The following RAPGEF1 variants were observed in gnomAD, a reference collection of about 807,000 sequenced individuals.
The protein encoded by RAPGEF1 is CRK SH3-binding GNRP.
Under a neutral mutation model 143.3 loss-of-function variants are expected in RAPGEF1, and 33 were observed. That is an observed-to-expected ratio of 0.23 (90% CI 0.17 to 0.31). The LOEUF is 0.31. Ranked by LOEUF, RAPGEF1 falls within the 10% of genes least tolerant of loss-of-function variation. RAPGEF1 has a pLI of 1.00. For synonymous variants in RAPGEF1, 629 were observed against 676.5 expected, an observed-to-expected ratio of 0.93 and a Z score of 1.09; for missense variants, 1,199 against 1,645.4, an observed-to-expected ratio of 0.73 and a Z score of 4.69.
chr9:131,582,491 T>C, intron 25 of RAPGEF1, 114 bp downstream of exon 25: 1 of 716,508 alleles, frequency 1.4e-6, no homozygotes, highest in Non-Finnish European at 2.2e-6. Context: ...AGTACAAATG[T>C]CTCCGTTAGA....
At chr9:131,651,768 G>A (rs1971133670) in intron 1 of RAPGEF1, among the ~76,000 whole-genome samples, 1 of 152,196 alleles carries the variant, frequency 6.6e-6, no homozygotes, top group South Asian at 2.1e-4. Context: ...ACAGGAATAA[G>A]TTCTGAGTAA....
At chr9:131,686,483 A>G (rs760660755) in intron 1 of RAPGEF1, among the ~76,000 whole-genome samples, 1 of 152,164 alleles carries the variant, frequency 6.6e-6, no homozygotes, top group Non-Finnish European at 1.5e-5. Context: ...CAGCTCCACT[A>G]CACAACTGGG....
At chr9:131,662,610 C>T (rs1487029234) in intron 1 of RAPGEF1, among the ~76,000 whole-genome samples, 2 of 151,428 alleles carry the variant, frequency 1.3e-5, no homozygotes, top group African/African-American at 2.4e-5. Flanking sequence ...TGCAGTGGCA[C>T]GATCTCGGCT....
At chr9:131,698,750 T>C (rs35953453) in intron 1 of RAPGEF1, among the ~76,000 whole-genome samples, 14,793 of 151,722 alleles carry the variant, frequency 0.098, 1,076 homozygotes, top group African/African-American at 0.2. Flanking sequence ...GCAACCCCAC[T>C]ACGGGAGGGA....
Position 131,740,055 on chromosome 9 carries a change from G to C in RAPGEF1, c.-225C>G, listed in dbSNP as rs1837651292. ...GCCCGCCGCCGCTCCCCCGGCCCGCGAGCCGGCCGCAGCGCAGCGACGCCG... is the reference window on the plus strand; with the variant it reads ...GCCCGCCGCCGCTCCCCCGGCCCGCCAGCCGGCCGCAGCGCAGCGACGCCG... On this transcript the variant is annotated 5_prime_UTR_variant, in exon 1 of 27. Transcript: ENST00000683357. This position sits in a 1 kb window ranked among gnomAD's most constrained non-coding sequence, Gnocchi z 4.5. 6.9e-6 allele frequency: 1 copy of C among 145,532 alleles called. No individual in the cohort carries two copies. Among genetic ancestry groups the C allele is most frequent in the Non-Finnish European group, 1.5e-5 (1 of 65,822 alleles). 9.0% of individuals were successfully genotyped at this position (145,532 alleles called of 1,614,324 possible). A position where few individuals can be genotyped will look rare whatever the true frequency, so the allele number is the denominator to read the frequency against.
At position 131,730,697 on chromosome 9, in the gene RAPGEF1, CA is replaced by C. The variant is rs56044744; in HGVS notation, c.61+9072del. Among the ~76,000 whole-genome samples, 286 of 80,360 alleles carry C rather than the reference CA, an allele frequency of 3.6e-3. 1 individual carries two copies. Among genetic ancestry groups the C allele is most frequent in the African/African-American group, 0.011 (227 of 20,848 alleles). The allele number at this position is 80,360 out of a possible 152,430, so 52.7% of individuals were successfully genotyped here. On this transcript the variant is annotated intron_variant, in intron 1 of 26. Coordinates refer to ENST00000683357, the MANE Select transcript of RAPGEF1 (RefSeq NM_001377935.1). Reference sequence around the variant, plus strand: ...GCAACAGCAGAGTGAGACTCCATCTCAAAAAAAAAAAAAAAAAAAAAGAAGA... The same window carrying C: ...GCAACAGCAGAGTGAGACTCCATCTCAAAAAAAAAAAAAAAAAAAAGAAGA...
At chr9:131,730,697 C>CTAAAAAAA (rs1837000108) in intron 1 of RAPGEF1, among the ~76,000 whole-genome samples, 1 of 80,374 alleles carries the variant, frequency 1.2e-5, no homozygotes, top group Non-Finnish European at 2.3e-5. Flanking sequence ...GACTCCATCT[C>CTAAAAAAA]AAAAAAAAAA....
intron 1 of RAPGEF1, among the ~76,000 whole-genome samples, chr9:131,718,905 G>A (rs1352886537): frequency 3.9e-5 from 6 of 152,226 alleles, no homozygotes; most frequent in Non-Finnish European, 1.5e-5. Flanking sequence ...AGGCTGAGAT[G>A]AAACCCTTTA....
chr9:131,715,997 T>C (rs535629770), intron 1 of RAPGEF1, among the ~76,000 whole-genome samples: 5 of 152,202 alleles, frequency 3.3e-5, no homozygotes, highest in South Asian at 2.1e-4. Flanking sequence ...CTGACTCCCA[T>C]TGCAGTGCTC....
At chr9:131,738,106 T>C (rs1471434612) in intron 1 of RAPGEF1, among the ~76,000 whole-genome samples, 1 of 152,176 alleles carries the variant, frequency 6.6e-6, no homozygotes, top group Admixed American at 6.5e-5. Context: ...TGAGCCACTG[T>C]ACCTGGCTGA....
chr9:131,731,211 G>A (rs926233441), intron 1 of RAPGEF1, among the ~76,000 whole-genome samples: 2 of 152,138 alleles, frequency 1.3e-5, no homozygotes, highest in African/African-American at 2.4e-5. Context: ...AGGATTAAAT[G>A]CAACCACAAG....
chr9:131,597,522 G>T (rs1955508104), intron 16 of RAPGEF1, among the ~76,000 whole-genome samples: 1 of 152,216 alleles, frequency 6.6e-6, no homozygotes, highest in Non-Finnish European at 1.5e-5. Context: ...CCCCAAAACA[G>T]TTGCCTCCTG....
At chr9:131,697,541 A>G (rs1393761948) in intron 1 of RAPGEF1, among the ~76,000 whole-genome samples, 1 of 152,214 alleles carries the variant, frequency 6.6e-6, no homozygotes, top group Non-Finnish European at 1.5e-5. Context: ...CAGGGCTGTC[A>G]GGTATACACC....
At chr9:131,633,111 A>G (rs1965394590) in intron 5 of RAPGEF1, among the ~76,000 whole-genome samples, 1 of 152,250 alleles carries the variant, frequency 6.6e-6, no homozygotes. Flanking sequence ...AAAATCTCTA[A>G]GAGCCAAGTA....
intron 1 of RAPGEF1, among the ~76,000 whole-genome samples, chr9:131,697,634 T>C (rs1201219662): frequency 6.6e-6 from 1 of 152,172 alleles, no homozygotes; most frequent in Non-Finnish European, 1.5e-5. Context: ...GAGATCTCAC[T>C]CTCCCTGAAT....
chr9:131,660,419 C>T (rs955977124), intron 1 of RAPGEF1, among the ~76,000 whole-genome samples: 9 of 147,062 alleles, frequency 6.1e-5, no homozygotes, highest in African/African-American at 2.3e-4. Flanking sequence ...TAATTCCACA[C>T]ACAGCAGAAA....
intron 1 of RAPGEF1, among the ~76,000 whole-genome samples, chr9:131,678,278 TC>T (rs1832606330): frequency 6.6e-6 from 1 of 152,214 alleles, no homozygotes; most frequent in Non-Finnish European, 1.5e-5. Flanking sequence ...ATAGGTTTTG[TC>T]CATTAAAAGA....
chr9:131,607,866 C>T (rs1277555642), intron 12 of RAPGEF1, among the ~76,000 whole-genome samples: 1 of 152,244 alleles, frequency 6.6e-6, no homozygotes, highest in African/African-American at 2.4e-5. Context: ...CTGATTTACA[C>T]ATACACAAAT....
intron 1 of RAPGEF1, among the ~76,000 whole-genome samples, chr9:131,715,201 C>G (rs547658992): frequency 1.3e-5 from 2 of 152,264 alleles, no homozygotes; most frequent in Admixed American, 1.3e-4. Flanking sequence ...AATACCAACA[C>G]GGAGCTTGGG....
Sources: gnomAD v4.1 joint callset for allele counts (sites outside exome capture counted in the v4.1 genomes callset) on GRCh38, gnomAD v4.1.1 for gene constraint, Gnocchi (gnomAD v3.1) non-coding constraint, MANE v1.5 for transcripts, NCBI Gene and HGNC (gene_info 2026-07-23, HGNC 2026-07-21) for gene names.